DOCK4: variants seen among roughly 807,000 people sequenced by gnomAD.
DOCK4 encodes dedicator of cytokinesis protein 4.
In DOCK4, 97 loss-of-function variants were observed where a neutral mutation model predicts 268.1. That is an observed-to-expected ratio of 0.36 (90% CI 0.31 to 0.43). The LOEUF is 0.43. Ranked by LOEUF, DOCK4 falls within the 20% of genes least tolerant of loss-of-function variation. The probability of loss-of-function intolerance (pLI) is 1.00; values close to 1 mark genes in which losing one functional copy is unlikely to be tolerated. For synonymous variants in DOCK4, 954 were observed against 887.2 expected, an observed-to-expected ratio of 1.08 and a Z score of -1.34; for missense variants, 2,145 against 2,455.7, an observed-to-expected ratio of 0.87 and a Z score of 2.67.
chr7:112,019,127 T>G (rs1370902090), intron 1 of DOCK4, among the ~76,000 whole-genome samples: 2 of 152,158 alleles, frequency 1.3e-5, no homozygotes, highest in Admixed American at 1.3e-4. Flanking sequence ...TGTTAAACAA[T>G]TCAAAGTATT....
intron 1 of DOCK4, among the ~76,000 whole-genome samples, chr7:112,124,618 G>C (rs1813048918): frequency 6.6e-6 from 1 of 152,166 alleles, no homozygotes; most frequent in Non-Finnish European, 1.5e-5. Flanking sequence ...CATGTGACGT[G>C]AAATATCATT....
intron 5 of DOCK4, among the ~76,000 whole-genome samples, chr7:111,992,317 C>A (rs1799607572): frequency 1.3e-5 from 2 of 152,090 alleles, no homozygotes; most frequent in Non-Finnish European, 2.9e-5. Context: ...AGACGATGGA[C>A]AATAACCTAA....
intron 12 of DOCK4, chr7:111,935,262 A>C: frequency 2.4e-6 from 1 of 418,572 alleles, no homozygotes; most frequent in Non-Finnish European, 4.5e-6. Flanking sequence ...TTTAGTTTTC[A>C]ATAACAACTT....
At chr7:111,740,376 C>T (rs1421272239) in intron 47 of DOCK4, among the ~76,000 whole-genome samples, 1 of 146,880 alleles carries the variant, frequency 6.8e-6, no homozygotes, top group African/African-American at 2.5e-5. Flanking sequence ...GTTGGGATTA[C>T]AGGCATGAGC....
intron 9 of DOCK4, among the ~76,000 whole-genome samples, chr7:111,945,174 C>T (rs1795518552): frequency 6.6e-6 from 1 of 152,036 alleles, no homozygotes; most frequent in Admixed American, 6.6e-5. Context: ...AGTGCAATCA[C>T]TGGTTTTGTT....
chr7:111,788,411 A>T (rs950676453), intron 32 of DOCK4: 2 of 450,678 alleles, frequency 4.4e-6, no homozygotes, highest in African/African-American at 3.9e-5. Context: ...AAAGAGGGAG[A>T]TTTGTTATGT....
At chr7:111,933,497 A>G (rs893940955) in intron 12 of DOCK4, among the ~76,000 whole-genome samples, 3 of 151,512 alleles carry the variant, frequency 2.0e-5, no homozygotes, top group African/African-American at 7.3e-5. Flanking sequence ...GTGTTTCACC[A>G]TGTTTGCCAG....
chr7:111,823,057 G>A (rs936803859), intron 26 of DOCK4, among the ~76,000 whole-genome samples: 4 of 152,126 alleles, frequency 2.6e-5, no homozygotes, highest in Non-Finnish European at 5.9e-5. Flanking sequence ...AGCCCAGTGA[G>A]GAGTGCTTAG....
intron 12 of DOCK4, among the ~76,000 whole-genome samples, chr7:111,921,228 G>A (rs561686404): frequency 1.3e-5 from 2 of 152,248 alleles, no homozygotes; most frequent in Admixed American, 6.5e-5. Flanking sequence ...AAAAGGCATA[G>A]TCATTAATCT....
At chr7:111,864,614 A>C (rs757601382) in intron 22 of DOCK4, among the ~76,000 whole-genome samples, 2 of 152,204 alleles carry the variant, frequency 1.3e-5, no homozygotes, top group Non-Finnish European at 2.9e-5. Flanking sequence ...TATCTAGAAG[A>C]GCCAAGATCT....
intron 44 of DOCK4, among the ~76,000 whole-genome samples, chr7:111,744,885 C>T (rs1223648426): frequency 2.0e-5 from 3 of 152,304 alleles, no homozygotes; most frequent in African/African-American, 7.2e-5. Context: ...ACTAAGCCTA[C>T]AGAGCATAAA....
intron 28 of DOCK4, among the ~76,000 whole-genome samples, chr7:111,811,238 A>C (rs1705298250): frequency 6.6e-6 from 1 of 152,168 alleles, no homozygotes; most frequent in African/African-American, 2.4e-5. Flanking sequence ...CAATAAGGAA[A>C]TTTTATAAAA....
chr7:111,954,556 AG>A (rs753908211), intron 8 of DOCK4, among the ~76,000 whole-genome samples: 7 of 152,158 alleles, frequency 4.6e-5, no homozygotes, highest in Non-Finnish European at 1.0e-4. Context: ...CCCAGTCCCA[AG>A]GCGCAAGACC....
chr7:111,858,937 G>T (rs185364702), intron 23 of DOCK4, among the ~76,000 whole-genome samples: 1 of 152,184 alleles, frequency 6.6e-6, no homozygotes, highest in African/African-American at 2.4e-5. Flanking sequence ...GAACTTCCCA[G>T]ATGTCTTGAT....
intron 1 of DOCK4, among the ~76,000 whole-genome samples, chr7:112,151,832 CCAAAAAACAAAAAA>C (rs112562618): frequency 1.3e-5 from 2 of 148,412 alleles, no homozygotes; most frequent in Admixed American, 6.7e-5. Flanking sequence ...AATCTGATGA[CCAAAAAACAAAAAA>C]CAAAAAACAA....
At chr7:112,143,615 T>A (rs1049714472) in intron 1 of DOCK4, among the ~76,000 whole-genome samples, 1 of 152,214 alleles carries the variant, frequency 6.6e-6, no homozygotes, top group East Asian at 1.9e-4. Flanking sequence ...CTATAAGGAA[T>A]GGGAGGGCCT....
chr7:111,805,729 G>C (rs1431116796), intron 30 of DOCK4, among the ~76,000 whole-genome samples: 2 of 152,174 alleles, frequency 1.3e-5, no homozygotes, highest in African/African-American at 4.8e-5. Context: ...CAACACTTCA[G>C]AGGTAAACAT....
chr7:111,872,684 AG>A, intron 17 of DOCK4, 120 bp from the exon 18 acceptor site: 1 of 721,102 alleles, frequency 1.4e-6, no homozygotes, highest in Non-Finnish European at 2.2e-6. Flanking sequence ...TAGCCACTCA[AG>A]TTGCAGGCTC....
intron 8 of DOCK4, among the ~76,000 whole-genome samples, chr7:111,949,778 G>A (rs187093684): frequency 9.0e-4 from 137 of 152,178 alleles, no homozygotes; most frequent in African/African-American, 3.2e-3. Flanking sequence ...TCAGCAAATG[G>A]TTTTGGACAA....
Sources: allele counts gnomAD v4.1 joint callset (sites outside exome capture counted in the v4.1 genomes callset), GRCh38; gene constraint gnomAD v4.1.1; transcripts MANE v1.5; gene names NCBI Gene and HGNC (gene_info 2026-07-23, HGNC 2026-07-21).